Variants in GPC5 observed in about 807,000 individuals in gnomAD.
GPC5 encodes the protein glypican 5.
A neutral mutation model predicts 53.9 loss-of-function variants in GPC5; 47 were observed. That is an observed-to-expected ratio of 0.87 (90% confidence interval 0.69 to 1.11). GPC5 has a LOEUF of 1.11. Ranked by LOEUF, GPC5 falls within the 50% of genes most tolerant of loss-of-function variation. GPC5 has a pLI of 0.00. For synonymous variants in GPC5, 286 were observed against 263.3 expected (o/e 1.09, Z -0.84); for missense variants, 748 against 713.1 (o/e 1.05, Z -0.56).
chr13:92,190,860 C>T (rs2042218286), intron 7 of GPC5, among the ~76,000 whole-genome samples: 1 of 151,908 alleles, frequency 6.6e-6, no homozygotes, highest in African/African-American at 2.4e-5. Flanking sequence ...AGGTTTTACT[C>T]CAACTGTATC....
intron 7 of GPC5, among the ~76,000 whole-genome samples, chr13:92,782,826 A>T (rs1247469304): frequency 6.6e-6 from 1 of 152,090 alleles, no homozygotes; most frequent in East Asian, 1.9e-4. Context: ...TTACTTTTGA[A>T]TATAAATTCT....
intron 5 of GPC5, among the ~76,000 whole-genome samples, chr13:91,843,041 C>A (rs1386455548): frequency 6.6e-6 from 1 of 151,892 alleles, no homozygotes; most frequent in South Asian, 2.1e-4. Context: ...CTATTTTTAA[C>A]GGTTATTTGA....
chr13:91,880,599 G>A (rs534188710), intron 5 of GPC5, among the ~76,000 whole-genome samples: 3 of 151,994 alleles, frequency 2.0e-5, no homozygotes, highest in East Asian at 3.9e-4. Flanking sequence ...ATTCTCACTC[G>A]TCAGACATTT....
chr13:91,698,214 A>G (rs1415785721), intron 3 of GPC5, among the ~76,000 whole-genome samples: 1 of 152,120 alleles, frequency 6.6e-6, no homozygotes, highest in Non-Finnish European at 1.5e-5. Flanking sequence ...TTTTTCTTAC[A>G]GATAAGTTTT....
intron 3 of GPC5, among the ~76,000 whole-genome samples, chr13:91,713,415 C>A (rs1488860743): frequency 6.6e-6 from 1 of 151,970 alleles, no homozygotes; most frequent in African/African-American, 2.4e-5. Context: ...CATTTTCCAC[C>A]GTTCCTAATA....
chr13:92,527,221 GA>G (rs777903581), intron 7 of GPC5, among the ~76,000 whole-genome samples: 2 of 35,178 alleles, frequency 5.7e-5, no homozygotes, highest in Admixed American at 3.7e-4. Context: ...AAGAAAGAAA[GA>G]AAGAAAGAAA....
At chr13:91,453,121 C>T (rs1881302514) in intron 2 of GPC5, among the ~76,000 whole-genome samples, 1 of 151,438 alleles carries the variant, frequency 6.6e-6, no homozygotes, top group South Asian at 2.1e-4. Flanking sequence ...TATTTTGATT[C>T]CTTGATTATA....
chr13:91,853,461 A>G (rs756321408), intron 5 of GPC5, among the ~76,000 whole-genome samples: 1 of 152,052 alleles, frequency 6.6e-6, no homozygotes, highest in Non-Finnish European at 1.5e-5. Flanking sequence ...CCAAGACACA[A>G]TAAGACTTTA....
intron 2 of GPC5, among the ~76,000 whole-genome samples, chr13:91,609,236 G>T (rs1449562750): frequency 6.6e-6 from 1 of 151,476 alleles, no homozygotes; most frequent in Non-Finnish European, 1.5e-5. Context: ...ATCATATTAG[G>T]TGCCAGTAGC....
intron 7 of GPC5, among the ~76,000 whole-genome samples, chr13:92,156,339 G>T (rs1340077094): frequency 6.6e-6 from 1 of 152,218 alleles, no homozygotes; most frequent in South Asian, 2.1e-4. Context: ...CAGAGCCCTT[G>T]CATCCACCCA....
At chr13:92,572,445 G>A (rs1883059069) in intron 7 of GPC5, among the ~76,000 whole-genome samples, 1 of 152,120 alleles carries the variant, frequency 6.6e-6, no homozygotes, top group South Asian at 2.1e-4. Context: ...TCTTTGTTCT[G>A]TTTTCAGCAG....
chr13:91,944,634 A>G (rs1186878047), intron 6 of GPC5, among the ~76,000 whole-genome samples: 1 of 152,126 alleles, frequency 6.6e-6, no homozygotes, highest in African/African-American at 2.4e-5. Context: ...TATACCATAT[A>G]TTCCTTAAAT....
At chr13:91,551,354 A>C (rs535521067) in intron 2 of GPC5, among the ~76,000 whole-genome samples, 1 of 152,246 alleles carries the variant, frequency 6.6e-6, no homozygotes, top group South Asian at 2.1e-4. Flanking sequence ...TCTGAACTAT[A>C]AAAGAGTAAG....
At chr13:92,613,401 ATT>A (rs1491281580) in intron 7 of GPC5, among the ~76,000 whole-genome samples, 7 of 85,294 alleles carry the variant, frequency 8.2e-5, no homozygotes, top group East Asian at 2.9e-4. Flanking sequence ...ATAAATATAT[ATT>A]ATATTATATA....
At chr13:92,854,352 A>AAT (rs1159504989) in intron 7 of GPC5, among the ~76,000 whole-genome samples, 5 of 148,128 alleles carry the variant, frequency 3.4e-5, no homozygotes, top group South Asian at 2.1e-4. Context: ...GTTATCTATG[A>AAT]ATATATATAT....
chr13:91,994,352 T>C (rs1410784320), intron 6 of GPC5, among the ~76,000 whole-genome samples: 1 of 152,196 alleles, frequency 6.6e-6, no homozygotes, highest in Non-Finnish European at 1.5e-5. Context: ...GCTACAAATA[T>C]ATATGTTGTT....
chr13:92,546,629 A>G (rs1401123253), intron 7 of GPC5, among the ~76,000 whole-genome samples: 2 of 152,176 alleles, frequency 1.3e-5, no homozygotes, highest in Non-Finnish European at 2.9e-5. Flanking sequence ...TCCCCATCAA[A>G]TTACCAATGA....
chr13:91,937,711 C>T (rs972522881), intron 6 of GPC5, among the ~76,000 whole-genome samples: 1 of 152,026 alleles, frequency 6.6e-6, no homozygotes. Context: ...TGACTTCATT[C>T]TGAATTGTAT....
At chr13:92,622,401 T>C (rs1368465789) in intron 7 of GPC5, among the ~76,000 whole-genome samples, 1 of 152,216 alleles carries the variant, frequency 6.6e-6, no homozygotes. Context: ...TCAACCTTTC[T>C]ACAACTTTAT....
Sources: gnomAD v4.1 joint callset for allele counts (sites outside exome capture counted in the v4.1 genomes callset) on GRCh38, gnomAD v4.1.1 for gene constraint, MANE v1.5 for transcripts, NCBI Gene and HGNC (gene_info 2026-07-23, HGNC 2026-07-21) for gene names.